DSC1: variants seen among roughly 807,000 people sequenced by gnomAD.
DSC1 encodes desmocollin-1.
In DSC1, 79 loss-of-function variants were observed where a neutral mutation model predicts 98.8. The ratio of observed to expected loss-of-function variants is 0.80; its 90% confidence interval spans 0.67 to 0.96. The LOEUF is 0.96. Among genes scored for constraint, DSC1 ranks in the 50% least tolerant of loss-of-function variants. DSC1 has a pLI of 0.00. For missense variants in DSC1, 1,115 were observed against 1,075.9 expected (o/e 1.04, Z -0.51); for synonymous variants, 405 against 372.1 (o/e 1.09, Z -1.02).
chr18:31,140,385 T>C (rs1988709293), intron 9 of DSC1, 84 bp from the exon 10 acceptor site: 1 of 1,368,852 alleles, frequency 7.3e-7, no homozygotes, highest in Non-Finnish European at 9.8e-7. Flanking sequence ...CAAAGGAATA[T>C]CATTTTTACA....
chr18:31,129,410 T>G lies in DSC1; in HGVS notation c.*1104A>C, dbSNP rs1390981306. On this transcript the variant is annotated 3_prime_UTR_variant, in exon 16 of 16. Coordinates refer to ENST00000257198, the MANE Select transcript of DSC1 (RefSeq NM_024421.2). The stretch of plus-strand genomic sequence containing the variant: ...CACCATGTCCGGCTAATTTCTTATA[T>G]TTTTAGTAGAGTGGGGGTTTCTCAT... The G allele has an allele frequency of 6.6e-6, 1 of 152,068 alleles. No individual in the cohort carries two copies. Among genetic ancestry groups the G allele is most frequent in the Non-Finnish European group, 1.5e-5 (1 of 68,024 alleles). 9.4% of individuals were successfully genotyped at this position (152,068 alleles called of 1,614,324 possible). A position where few individuals can be genotyped will look rare whatever the true frequency, so the allele number is the denominator to read the frequency against.
intron 11 of DSC1, among the ~76,000 whole-genome samples, chr18:31,136,235 A>C (rs540133974): frequency 6.6e-6 from 1 of 152,250 alleles, no homozygotes; most frequent in East Asian, 1.9e-4. Flanking sequence ...GCAAACTAAG[A>C]AATGAATAAT....
intron 2 of DSC1, among the ~76,000 whole-genome samples, chr18:31,158,079 C>A (rs1989136536): frequency 6.6e-6 from 1 of 152,016 alleles, no homozygotes; most frequent in Non-Finnish European, 1.5e-5. Context: ...TCAGCCTGGC[C>A]AATATGGTGA....
At chr18:31,158,659 G>T (rs3786167) in intron 2 of DSC1, among the ~76,000 whole-genome samples, 86,284 of 151,906 alleles carry the variant, frequency 0.57, 24,721 homozygotes, top group East Asian at 0.66. Context: ...CACCAAAACT[G>T]TATTTGATTT....
chr18:31,150,976 T>C (rs1175815267), intron 5 of DSC1: 1 of 152,204 alleles, frequency 6.6e-6, no homozygotes, highest in East Asian at 1.9e-4. Context: ...TATCCTTCTG[T>C]AAAAATTGTC....
At chr18:31,132,774 CA>C (rs36112658) in intron 13 of DSC1, 85 bp from the exon 14 acceptor site, 805,314 of 1,267,756 alleles carry the variant, frequency 0.64, 267,084 homozygotes, top group Non-Finnish European at 0.68. Flanking sequence ...GCATATGTCT[CA>C]AAAAATTCAT....
intron 3 of DSC1, among the ~76,000 whole-genome samples, chr18:31,156,402 A>G (rs1285414011): frequency 1.3e-5 from 2 of 152,172 alleles, no homozygotes; most frequent in Non-Finnish European, 2.9e-5. Context: ...GGGCATTTGG[A>G]AAGATGCCAC....
chr18:31,143,805 A>G lies in DSC1; in HGVS notation c.940-14T>C, dbSNP rs747818897. ...AGTATCACATTTCTGAAAAAAAGGA[A>G]AAAACTACATTAATGAACACTTTTA... On this transcript the variant is annotated splice_polypyrimidine_tract_variant and intron_variant, in intron 7 of 15. Transcript: ENST00000257198. 1.3e-6 allele frequency: 2 copies of G among 1,541,912 alleles called. No homozygotes were observed. The highest frequency in any genetic ancestry group is 2.3e-5 in the East Asian group (1 of 42,650).
chr18:31,139,901 GAAATCAAATATGAACGGTC>G lies in DSC1; in HGVS notation c.1521-30_1521-12del, dbSNP rs774887084. On this transcript the variant is annotated splice_polypyrimidine_tract_variant and intron_variant, in intron 10 of 15. Coordinates refer to ENST00000257198, the MANE Select transcript of DSC1 (RefSeq NM_024421.2). ...CCTAACTTCTGATACCTAATTTTTA[GAAATCAAATATGAACGGTC>G]AAATCAAAGAAGGGACATGATCTTA... 64 of 1,591,044 alleles carry G rather than the reference GAAATCAAATATGAACGGTC, an allele frequency of 4.0e-5. No homozygotes were observed. Among genetic ancestry groups the G allele is most frequent in the Non-Finnish European group, 4.9e-5 (58 of 1,173,150 alleles).
intron 5 of DSC1, among the ~76,000 whole-genome samples, chr18:31,151,181 G>A (rs1285191989): frequency 6.6e-6 from 1 of 152,114 alleles, no homozygotes; most frequent in Non-Finnish European, 1.5e-5. Context: ...TAATATTTTT[G>A]TTATTTGACT....
chr18:31,161,260 G>A (rs1443231340), intron 1 of DSC1, among the ~76,000 whole-genome samples: 2 of 151,908 alleles, frequency 1.3e-5, no homozygotes, highest in Non-Finnish European at 2.9e-5. Context: ...ATACAGACGA[G>A]CTCCATTATA....
Position 31,159,540 on chromosome 18 carries a change from A to G in DSC1, c.64-11T>C. On this transcript the variant is annotated splice_polypyrimidine_tract_variant and intron_variant, in intron 1 of 15. Coordinates refer to ENST00000257198, the MANE Select transcript of DSC1 (RefSeq NM_024421.2). Reference sequence around the variant, plus strand: ...AAGTAATGTTAAAACCTCAAAAAAAAAAAAAGAAAAAATATCAGGAATTAA... The same window carrying G: ...AAGTAATGTTAAAACCTCAAAAAAAGAAAAAGAAAAAATATCAGGAATTAA... 6.3e-7 allele frequency: 1 copy of G among 1,585,694 alleles called. No homozygotes were observed. The highest frequency in any genetic ancestry group is 1.2e-5 in the South Asian group (1 of 84,642).
rs779676263 is a variant in DSC1 at position 31,148,579 on chromosome 18, T to C, written c.691A>G (p.Lys231Glu). Reference sequence around the variant, plus strand: ...GCGTTATCATTATCATCTTCAATTTTGATGATCAAAGGGAGTGGATATTCT... The same window carrying C: ...GCGTTATCATTATCATCTTCAATTTCGATGATCAAAGGGAGTGGATATTCT... The part of the protein sequence containing the change: ...APEYPLPLII[K>E]IEDDNDNAPY... The change falls in exon 6 of 16, where the codon AAA becomes GAA. Residue 231 changes from lysine (K) to glutamate (E), a missense_variant. By Grantham distance (56) the Lys-to-Glu change is moderately conservative (BLOSUM62 1). Transcript: ENST00000257198. 6.2e-7 allele frequency: 1 copy of C among 1,612,344 alleles called. No homozygotes were observed. Among genetic ancestry groups the C allele is most frequent in the South Asian group, 1.1e-5 (1 of 90,912 alleles).
In DSC1 at chr18:31,142,331, C is replaced by A. The variant is rs113925091; in HGVS notation, c.1075-147G>T. 6.2e-6 allele frequency: 5 copies of A among 807,042 alleles called. No individual in the cohort carries two copies. The African/African-American group carries it at 9.0e-5, about 14-fold the overall frequency. The allele number at this position is 807,042 out of a possible 1,614,324, so 50.0% of individuals were successfully genotyped here. On this transcript the variant is annotated intron_variant, in intron 8 of 15. Transcript: ENST00000257198. ...GGGGAAACATTTTACAAATTTAATG[C>A]GTAGCTTAGTTCTTTCCTCCTGAAT...
At chr18:31,145,812 T>C in intron 6 of DSC1, 35 bp from the exon 7 acceptor site, 1 of 1,589,000 alleles carries the variant, frequency 6.3e-7, no homozygotes, top group Non-Finnish European at 8.5e-7. Flanking sequence ...CAAAAATTTC[T>C]ACTCATATAA....
chr18:31,133,993 CAGAT>C lies in DSC1; in HGVS notation c.2010_2013del (p.Glu672ValfsTer3), dbSNP rs1204188471. 6.2e-7 allele frequency: 1 copy of C among 1,613,396 alleles called. No homozygotes were observed. The highest frequency in any genetic ancestry group is 1.1e-5 in the South Asian group (1 of 91,066). On this transcript the variant is annotated frameshift_variant, in exon 13 of 16. Coordinates refer to ENST00000257198, the MANE Select transcript of DSC1 (RefSeq NM_024421.2). LOFTEE classifies it high-confidence loss of function. ...GTACTTTTATCCTTCATTCTACACT[CAGAT>C]GGAGTTGAACAGTCACATACTCTCA...
At chr18:31,162,447 C>T in intron 1 of DSC1, 85 bp downstream of exon 1, 2 of 1,306,002 alleles carry the variant, frequency 1.5e-6, no homozygotes, top group South Asian at 2.4e-5. Context: ...CCCATCCTCA[C>T]TCCTAGTCTC....
At chr18:31,137,950 G>A (rs1247728570) in intron 11 of DSC1, among the ~76,000 whole-genome samples, 1 of 148,598 alleles carries the variant, frequency 6.7e-6, no homozygotes, top group South Asian at 2.2e-4. Flanking sequence ...GAATAATCAT[G>A]AGCATCAGAG....
intron 11 of DSC1, among the ~76,000 whole-genome samples, chr18:31,138,344 C>A (rs1027283655): frequency 6.6e-6 from 1 of 152,006 alleles, no homozygotes; most frequent in Non-Finnish European, 1.5e-5. Context: ...CTTAACTGAT[C>A]GCCACTTCTG....
Sources: allele counts gnomAD v4.1 joint callset (sites outside exome capture counted in the v4.1 genomes callset), GRCh38; gene constraint gnomAD v4.1.1; transcripts MANE v1.5; gene names NCBI Gene and HGNC (gene_info 2026-07-23, HGNC 2026-07-21).